Variants in PLAAT5 observed in about 807,000 individuals in gnomAD.
PLAAT5 encodes Ca(2+)-independent N-acyltransferase.
Under a neutral mutation model 27.8 loss-of-function variants are expected in PLAAT5, and 27 were observed. That is an observed-to-expected ratio of 0.97 (90% CI 0.72 to 1.34). PLAAT5 has a LOEUF of 1.34. Ranked by LOEUF, PLAAT5 falls within the 40% of genes most tolerant of loss-of-function variation. PLAAT5 has a pLI of 0.00. For missense variants in PLAAT5, 368 were observed against 343.8 expected, an observed-to-expected ratio of 1.07 and a Z score of -0.56; for synonymous variants, 125 against 136.1, an observed-to-expected ratio of 0.92 and a Z score of 0.57.
At chr11:63,475,137 A>G (rs1404217128) in intron 3 of PLAAT5, among the ~76,000 whole-genome samples, 1 of 152,056 alleles carries the variant, frequency 6.6e-6, no homozygotes, top group Non-Finnish European at 1.5e-5. Context: ...TTGTTGAGTA[A>G]AATGTTTTAT....
intron 3 of PLAAT5, among the ~76,000 whole-genome samples, chr11:63,472,061 G>A (rs7123815): frequency 0.12 from 17,706 of 152,148 alleles, 2,286 homozygotes; most frequent in African/African-American, 0.32. Context: ...TTGGAGGAGG[G>A]AGAGCATCAG....
At chr11:63,483,015 C>G (rs1378804247) in intron 3 of PLAAT5, among the ~76,000 whole-genome samples, 1 of 152,134 alleles carries the variant, frequency 6.6e-6, no homozygotes, top group African/African-American at 2.4e-5. Flanking sequence ...CCAAGAGGGA[C>G]ATTATATAAT....
intron 3 of PLAAT5, among the ~76,000 whole-genome samples, chr11:63,477,042 T>C (rs1433966584): frequency 6.6e-6 from 1 of 152,248 alleles, no homozygotes; most frequent in East Asian, 1.9e-4. Flanking sequence ...GGTGCTTCTT[T>C]ATCATTTCTA....
At position 63,491,065 on chromosome 11, in the gene PLAAT5, C is replaced by A; in HGVS notation, c.-31G>T. On this transcript the variant is annotated 5_prime_UTR_variant, in exon 1 of 6. Coordinates refer to ENST00000540857, the MANE Select transcript of PLAAT5 (RefSeq NM_001146729.2). ...CTCTGCGGCCTCGCCGGCCCCCAGGCCTTGCAGGGGACTACGCCCCTGGCG... is the reference window on the plus strand; with the variant it reads ...CTCTGCGGCCTCGCCGGCCCCCAGGACTTGCAGGGGACTACGCCCCTGGCG... 1.4e-6 allele frequency: 2 copies of A among 1,414,880 alleles called. No homozygotes were observed. The highest frequency in any genetic ancestry group is 3.2e-5 in the Admixed American group (1 of 31,448). The allele number at this position is 1,414,880 out of a possible 1,614,324, so 87.6% of individuals were successfully genotyped here. A position where few individuals can be genotyped will look rare whatever the true frequency, so the allele number is the denominator to read the frequency against.
intron 1 of PLAAT5, chr11:63,490,548 G>T: frequency 1.4e-6 from 1 of 734,528 alleles, no homozygotes; most frequent in Non-Finnish European, 2.2e-6. Context: ...TGGGATTCCT[G>T]GGAACGGAAT....
intron 3 of PLAAT5, among the ~76,000 whole-genome samples, chr11:63,485,415 A>C (rs899433354): frequency 1.3e-5 from 2 of 152,256 alleles, no homozygotes; most frequent in Non-Finnish European, 1.5e-5. Flanking sequence ...ACAGCATGGT[A>C]CTGGTATAAA....
intron 3 of PLAAT5, among the ~76,000 whole-genome samples, chr11:63,480,761 T>A (rs1158594431): frequency 2.6e-5 from 4 of 152,192 alleles, no homozygotes; most frequent in African/African-American, 9.7e-5. Flanking sequence ...TTCTTTTCTT[T>A]AACATCTCTC....
chr11:63,480,039 T>C (rs759410265), intron 3 of PLAAT5, among the ~76,000 whole-genome samples: 5 of 152,140 alleles, frequency 3.3e-5, no homozygotes, highest in East Asian at 1.9e-4. Flanking sequence ...CCATCCACCA[T>C]ATCTAGTGGA....
At position 63,463,538 on chromosome 11, in the gene PLAAT5, C is replaced by T; in HGVS notation, c.775G>A (p.Val259Met). The T allele has an allele frequency of 6.2e-7, 1 of 1,613,924 alleles. No homozygotes were observed. The highest frequency in any genetic ancestry group is 8.5e-7 in the Non-Finnish European group (1 of 1,180,006). The change falls in exon 6 of 6, where the codon GTG becomes ATG. Residue 259 changes from valine to methionine, a missense_variant. Coordinates refer to ENST00000540857, the MANE Select transcript of PLAAT5 (RefSeq NM_001146729.2). ...ATTGGTTTGGGCTTTATGCTATCCA[C>T]TACAGCTGAAATAACTGCTCCAGCA... is the stretch of plus-strand genomic sequence containing the variant. Reference protein sequence around the residue: ...KAAGAVISAVVDSIKPKPITA With the variant: ...KAAGAVISAVMDSIKPKPITA
intron 3 of PLAAT5, among the ~76,000 whole-genome samples, chr11:63,478,123 A>G (rs1464329255): frequency 5.3e-5 from 8 of 152,086 alleles, no homozygotes; most frequent in African/African-American, 1.4e-4. Context: ...GTCTTCCATG[A>G]TTGTCACTGA....
intron 3 of PLAAT5, among the ~76,000 whole-genome samples, chr11:63,472,825 C>T (rs2016060565): frequency 6.6e-6 from 1 of 152,076 alleles, no homozygotes; most frequent in African/African-American, 2.4e-5. Context: ...TTTTGTGGCC[C>T]AGGCGCGGTG....
intron 3 of PLAAT5, among the ~76,000 whole-genome samples, chr11:63,473,708 T>TG (rs1398828943): frequency 2.3e-5 from 3 of 130,780 alleles, no homozygotes; most frequent in East Asian, 3.9e-4. Context: ...TTTTTGTTGT[T>TG]TTTTTTTTTT....
chr11:63,463,666 C>A lies in PLAAT5; in HGVS notation c.718-71G>T, dbSNP rs1373275297. ...CTTGCACCCTCCCCTACCTCCACCCCACCATACCCATTCAGCAACCAGCCT... is the reference window on the plus strand; with the variant it reads ...CTTGCACCCTCCCCTACCTCCACCCAACCATACCCATTCAGCAACCAGCCT... On this transcript the variant is annotated intron_variant, in intron 5 of 5. Transcript: ENST00000540857. The A allele has an allele frequency of 3.4e-6, 4 of 1,172,758 alleles. No individual in the cohort carries two copies. In the East Asian group the frequency reaches 7.0e-5, roughly 21 times the overall value. 72.6% of individuals were successfully genotyped at this position (1,172,758 alleles called of 1,614,324 possible).
At position 63,483,305 on chromosome 11, in the gene PLAAT5, C is replaced by T. The variant is rs188909711; in HGVS notation, c.345+5566G>A. Among the ~76,000 whole-genome samples the T allele has an allele frequency of 2.0e-4, 30 of 152,204 alleles. No homozygotes were observed. The East Asian group carries it at 5.6e-3, about 28-fold the overall frequency. ...TTCCACCCAACAACTGCAAAATATACATTCTTTTCATCAGCACATGGAACA... is the reference window on the plus strand; with the variant it reads ...TTCCACCCAACAACTGCAAAATATATATTCTTTTCATCAGCACATGGAACA... On this transcript the variant is annotated intron_variant, in intron 3 of 5. Coordinates refer to ENST00000540857, the MANE Select transcript of PLAAT5 (RefSeq NM_001146729.2).
chr11:63,465,296 A>C (rs1387534050), intron 5 of PLAAT5, among the ~76,000 whole-genome samples: 2 of 152,052 alleles, frequency 1.3e-5, no homozygotes, highest in Admixed American at 6.5e-5. Context: ...AGAGAGAGAG[A>C]GAGAAGCTGA....
At position 63,478,525 on chromosome 11, in the gene PLAAT5, G is replaced by A. The variant is rs185349931; in HGVS notation, c.346-10060C>T. Among the ~76,000 whole-genome samples the A allele has an allele frequency of 1.6e-3, 251 of 152,292 alleles. 1 individual carries two copies. Among genetic ancestry groups the A allele is most frequent in the African/African-American group, 5.8e-3 (241 of 41,574 alleles). ...TTTAGTAGAGACGGGGTTTTACCGT[G>A]TTAGCCAGGATGGTCTCAATCTCCT... On this transcript the variant is annotated intron_variant, in intron 3 of 5. Coordinates refer to ENST00000540857, the MANE Select transcript of PLAAT5 (RefSeq NM_001146729.2).
At chr11:63,465,976 T>C in intron 5 of PLAAT5, 134 bp downstream of exon 5, 2 of 936,982 alleles carry the variant, frequency 2.1e-6, no homozygotes, top group South Asian at 3.5e-5. Context: ...CATAAAGTCC[T>C]GCAGAAATAG....
At chr11:63,468,160 A>G (rs2015913908) in intron 4 of PLAAT5, among the ~76,000 whole-genome samples, 197 bp downstream of exon 4, 1 of 152,044 alleles carries the variant, frequency 6.6e-6, no homozygotes, top group Non-Finnish European at 1.5e-5. Flanking sequence ...CACTTGTATC[A>G]CTCTTAGGCC....
At chr11:63,472,214 A>C (rs548312097) in intron 3 of PLAAT5, among the ~76,000 whole-genome samples, 94 of 152,316 alleles carry the variant, frequency 6.2e-4, no homozygotes, top group Admixed American at 3.4e-3. Context: ...AAGAAAAAAA[A>C]AGGAAAGAAA....
Sources: gnomAD v4.1 joint callset for allele counts (sites outside exome capture counted in the v4.1 genomes callset) on GRCh38, gnomAD v4.1.1 for gene constraint, MANE v1.5 for transcripts, NCBI Gene and HGNC (gene_info 2026-07-23, HGNC 2026-07-21) for gene names.